Variants in PTPRD observed in about 807,000 individuals in gnomAD.
PTPRD encodes receptor-type tyrosine-protein phosphatase delta.
A neutral mutation model predicts 214.5 loss-of-function variants in PTPRD; 34 were observed. That is an observed-to-expected ratio of 0.16 (90% CI 0.12 to 0.21). PTPRD has a LOEUF of 0.21. PTPRD is among the 10% of genes least tolerant of loss of function. The pLI is 1.00. For synonymous variants in PTPRD, 1,128 were observed against 845.7 expected (o/e 1.33, Z -5.79); for missense variants, 2,545 against 2,398.7 (o/e 1.06, Z -1.27).
At chr9:10,312,438 A>G (rs1187853676) in intron 3 of PTPRD, among the ~76,000 whole-genome samples, 1 of 151,990 alleles carries the variant, frequency 6.6e-6, no homozygotes, top group East Asian at 1.9e-4. Flanking sequence ...GAATATATAG[A>G]CGCCTTTTAG....
intron 2 of PTPRD, among the ~76,000 whole-genome samples, chr9:10,590,651 T>C (rs567581943): frequency 2.8e-4 from 42 of 152,094 alleles, no homozygotes; most frequent in Admixed American, 2.0e-3. Flanking sequence ...TAGTTCATTC[T>C]TTTTTATTGC....
intron 35 of PTPRD, among the ~76,000 whole-genome samples, chr9:8,434,502 T>C (rs372042863): frequency 2.6e-5 from 4 of 152,230 alleles, no homozygotes; most frequent in African/African-American, 4.8e-5. Context: ...AAGGTATCCC[T>C]GTCATCAAGT....
intron 3 of PTPRD, among the ~76,000 whole-genome samples, chr9:10,049,300 A>G (rs1308405886): frequency 1.3e-5 from 2 of 151,974 alleles, no homozygotes; most frequent in Non-Finnish European, 2.9e-5. Context: ...TTGTGGGTCC[A>G]TACTTAGAAA....
At chr9:8,561,556 G>C (rs1482713455) in intron 14 of PTPRD, among the ~76,000 whole-genome samples, 1 of 152,198 alleles carries the variant, frequency 6.6e-6, no homozygotes, top group African/African-American at 2.4e-5. Flanking sequence ...GCGAGACTCA[G>C]CGGGCTGACT....
chr9:8,873,505 G>T (rs1459408252), intron 11 of PTPRD, among the ~76,000 whole-genome samples: 1 of 152,092 alleles, frequency 6.6e-6, no homozygotes, highest in African/African-American at 2.4e-5. Flanking sequence ...TTATAAATAT[G>T]TGTTAACTTT....
chr9:10,566,371 A>G (rs189749613), intron 2 of PTPRD, among the ~76,000 whole-genome samples: 2 of 152,176 alleles, frequency 1.3e-5, no homozygotes, highest in African/African-American at 4.8e-5. Context: ...GTGCCAATTT[A>G]CAACTGCAGT....
intron 5 of PTPRD, among the ~76,000 whole-genome samples, chr9:9,812,668 A>G (rs2047506250): frequency 1.3e-5 from 2 of 152,194 alleles, no homozygotes; most frequent in African/African-American, 2.4e-5. Context: ...ATATGTAAAG[A>G]AAATATAAAC....
intron 44 of PTPRD, among the ~76,000 whole-genome samples, chr9:8,328,383 C>A (rs538359597): frequency 4.7e-4 from 72 of 152,260 alleles, no homozygotes; most frequent in African/African-American, 1.7e-3. Context: ...TGTCGAGAGA[C>A]CTGCTGTTAG....
At chr9:9,360,011 T>C (rs76559231) in intron 9 of PTPRD, among the ~76,000 whole-genome samples, 2,100 of 151,438 alleles carry the variant, frequency 0.014, 49 homozygotes, top group African/African-American at 0.048. Flanking sequence ...GCTTCAGTGA[T>C]CTGGTTACAG....
chr9:9,272,603 G>A (rs1041302979), intron 9 of PTPRD, among the ~76,000 whole-genome samples: 2 of 151,230 alleles, frequency 1.3e-5, no homozygotes, highest in Admixed American at 6.6e-5. Context: ...GTCCGTTGAC[G>A]AAAAATATTA....
At chr9:9,777,923 T>C (rs573313507) in intron 5 of PTPRD, among the ~76,000 whole-genome samples, 3 of 152,164 alleles carry the variant, frequency 2.0e-5, no homozygotes, top group Non-Finnish European at 2.9e-5. Context: ...TTGTCTATAA[T>C]GCCATCTGAA....
intron 14 of PTPRD, among the ~76,000 whole-genome samples, chr9:8,597,284 T>A (rs988071434): frequency 1.3e-5 from 2 of 152,074 alleles, no homozygotes; most frequent in African/African-American, 4.8e-5. Flanking sequence ...AGACAAAATA[T>A]CAAGACAAGA....
intron 2 of PTPRD, among the ~76,000 whole-genome samples, chr9:10,471,608 A>T (rs1230835035): frequency 6.6e-6 from 1 of 152,170 alleles, no homozygotes; most frequent in African/African-American, 2.4e-5. Context: ...CCACATGAAC[A>T]TCTTAGCACA....
At chr9:8,435,256 T>C (rs1227078187) in intron 35 of PTPRD, among the ~76,000 whole-genome samples, 1 of 152,200 alleles carries the variant, frequency 6.6e-6, no homozygotes, top group Non-Finnish European at 1.5e-5. Context: ...CACTGCTCTA[T>C]GTTCTCTTAC....
chr9:8,920,261 A>G (rs1396082740), intron 11 of PTPRD, among the ~76,000 whole-genome samples: 1 of 152,004 alleles, frequency 6.6e-6, no homozygotes, highest in African/African-American at 2.4e-5. Flanking sequence ...GAATTGCTTG[A>G]ACCCAGGAGG....
At chr9:9,490,026 C>T (rs1222684356) in intron 8 of PTPRD, among the ~76,000 whole-genome samples, 1 of 151,996 alleles carries the variant, frequency 6.6e-6, no homozygotes, top group Non-Finnish European at 1.5e-5. Context: ...CAACTTGCCA[C>T]ATATAAGAGA....
intron 10 of PTPRD, among the ~76,000 whole-genome samples, chr9:9,127,872 T>A (rs928469768): frequency 6.6e-6 from 1 of 152,310 alleles, no homozygotes; most frequent in South Asian, 2.1e-4. Context: ...GCACCCTGTT[T>A]GAATTTCGTA....
rs1564380601 is a variant in PTPRD at position 8,564,571 on chromosome 9, G to A, written c.353-35792C>T. Among the ~76,000 whole-genome samples the A allele has an allele frequency of 2.0e-5, 3 of 152,208 alleles. No homozygotes were observed. In the South Asian group the frequency reaches 6.2e-4, roughly 32 times the overall value. On this transcript the variant is annotated intron_variant, in intron 14 of 45. Transcript: ENST00000381196. ...CAAAAAATTAGCCAGATGTGGTAGT[G>A]CGTGCCTGTAATCCCGCTACTCAGG...
At chr9:8,742,725 G>C (rs2092208437) in intron 11 of PTPRD, among the ~76,000 whole-genome samples, 2 of 152,160 alleles carry the variant, frequency 1.3e-5, no homozygotes. Context: ...ATTATTTTAA[G>C]AATAAAGTGA....
Sources: allele counts gnomAD v4.1 joint callset (sites outside exome capture counted in the v4.1 genomes callset), GRCh38; gene constraint gnomAD v4.1.1; transcripts MANE v1.5; gene names NCBI Gene and HGNC (gene_info 2026-07-23, HGNC 2026-07-21).